Variants in GRID1 observed in about 807,000 individuals in gnomAD.
The protein encoded by GRID1 is glutamate receptor ionotropic, delta-1.
Under a neutral mutation model 98.0 loss-of-function variants are expected in GRID1, and 28 were observed. The ratio of observed to expected loss-of-function variants is 0.29; its 90% CI spans 0.21 to 0.39. The LOEUF (loss-of-function observed/expected upper bound fraction) is 0.39. Ranked by LOEUF, GRID1 falls within the 10% of genes least tolerant of loss-of-function variation. The probability of loss-of-function intolerance (pLI) is 1.00; values close to 1 mark genes in which losing one functional copy is unlikely to be tolerated. For missense variants in GRID1, 1,111 were observed against 1,340.5 expected (o/e 0.83, Z 2.67); for synonymous variants, 553 against 538.5 (o/e 1.03, Z -0.37).
intron 8 of GRID1, among the ~76,000 whole-genome samples, chr10:85,739,750 G>T (rs1841922012): frequency 6.6e-6 from 1 of 152,178 alleles, no homozygotes; most frequent in Non-Finnish European, 1.5e-5. Flanking sequence ...AAGAATATAA[G>T]TACAGTTTTA....
At chr10:85,908,933 TA>T (rs1368178137) in intron 5 of GRID1, among the ~76,000 whole-genome samples, 2 of 152,178 alleles carry the variant, frequency 1.3e-5, no homozygotes, top group East Asian at 3.8e-4. Context: ...ATTGATAAGT[TA>T]AACTTCATAA....
intron 4 of GRID1, among the ~76,000 whole-genome samples, chr10:85,987,737 T>G (rs1842630351): frequency 6.6e-6 from 1 of 151,698 alleles, no homozygotes; most frequent in Non-Finnish European, 1.5e-5. Flanking sequence ...CAGTGCCCTT[T>G]TCCCACATTC....
At chr10:85,888,636 T>C (rs1277436536) in intron 5 of GRID1, among the ~76,000 whole-genome samples, 3 of 152,240 alleles carry the variant, frequency 2.0e-5, no homozygotes, top group Admixed American at 6.5e-5. Context: ...TGGTTATTTA[T>C]AGGTGATGGA....
intron 13 of GRID1, among the ~76,000 whole-genome samples, chr10:85,631,090 C>T (rs910767581): frequency 2.0e-5 from 3 of 152,200 alleles, no homozygotes; most frequent in Admixed American, 1.3e-4. Flanking sequence ...CCCTTACCAT[C>T]AATTCTGTTC....
chr10:85,878,511 A>T, intron 5 of GRID1, among the ~76,000 whole-genome samples: 1 of 152,164 alleles, frequency 6.6e-6, no homozygotes, highest in Non-Finnish European at 1.5e-5. Context: ...TTTCATATCC[A>T]GCCAAACTAA....
At chr10:86,003,997 G>A (rs1228850175) in intron 4 of GRID1, among the ~76,000 whole-genome samples, 1 of 152,230 alleles carries the variant, frequency 6.6e-6, no homozygotes, top group East Asian at 1.9e-4. Context: ...ATGTCTTGCA[G>A]CAGAGCAACA....
intron 8 of GRID1, among the ~76,000 whole-genome samples, chr10:85,762,577 T>C (rs79680727): frequency 8.0e-4 from 122 of 152,322 alleles, no homozygotes; most frequent in African/African-American, 2.9e-3. Context: ...CTCAATCAGC[T>C]TTCTCCTTTC....
At position 85,865,975 on chromosome 10, in the gene GRID1, A is replaced by ATG. The variant is rs1564613358; in HGVS notation, c.951+3034_951+3035insCA. Among the ~76,000 whole-genome samples, 38 of 127,282 alleles carry ATG rather than the reference A, an allele frequency of 3.0e-4. 2 individuals carry two copies. Among genetic ancestry groups the ATG allele is most frequent in the African/African-American group, 1.0e-3 (37 of 35,986 alleles). 83.5% of individuals were successfully genotyped at this position (127,282 alleles called of 152,430 possible). ...TATATGGAGAGAGAGAGAGAGAGAG[A>ATG]GAGAGAGAGAGAGAGAGAGAGAGGC... is the stretch of plus-strand genomic sequence containing the variant. On this transcript the variant is annotated intron_variant, in intron 6 of 15. Transcript: ENST00000327946.
intron 2 of GRID1, among the ~76,000 whole-genome samples, chr10:86,258,942 G>A (rs147638979): frequency 2.6e-5 from 4 of 152,360 alleles, no homozygotes; most frequent in East Asian, 1.9e-4. Context: ...GGAACTGAAC[G>A]AAGAACTGAG....
At chr10:85,998,749 C>T (rs1023329927) in intron 4 of GRID1, among the ~76,000 whole-genome samples, 1 of 152,030 alleles carries the variant, frequency 6.6e-6, no homozygotes, top group Admixed American at 6.6e-5. Flanking sequence ...CTCTAGCAAA[C>T]CTAACAAAGA....
At chr10:86,002,480 T>C (rs1842813094) in intron 4 of GRID1, among the ~76,000 whole-genome samples, 1 of 151,484 alleles carries the variant, frequency 6.6e-6, no homozygotes, top group Admixed American at 6.6e-5. Context: ...AAACTTAATG[T>C]CTTTTTGCAC....
chr10:85,985,613 T>C (rs1842600005), intron 4 of GRID1, among the ~76,000 whole-genome samples: 1 of 152,202 alleles, frequency 6.6e-6, no homozygotes, highest in Admixed American at 6.5e-5. Flanking sequence ...GGATGGCCTC[T>C]CAGTGCCTAA....
chr10:85,701,194 A>C (rs1841446929), intron 12 of GRID1, among the ~76,000 whole-genome samples: 1 of 152,160 alleles, frequency 6.6e-6, no homozygotes, highest in Non-Finnish European at 1.5e-5. Context: ...CTCACTTTGA[A>C]AATGCATCAT....
chr10:86,366,328 G>T lies in GRID1; in HGVS notation c.65C>A (p.Ser22Tyr), dbSNP rs772022944. 1 of 1,509,618 alleles carries T rather than the reference G, an allele frequency of 6.6e-7. No homozygotes were observed. 93.5% of individuals were successfully genotyped at this position (1,509,618 alleles called of 1,614,324 possible). Residue 22 changes from serine to tyrosine, a missense_variant, in exon 1 of 16, where the codon TCC becomes TAC. Physicochemically the swap from Ser to Tyr is moderately radical, Grantham distance 144. This residue lies in a region of GRID1 where 346 missense variants were observed against 452.3 expected (regional missense o/e 0.76). Coordinates refer to ENST00000327946, the MANE Select transcript of GRID1 (RefSeq NM_017551.3). This position sits in a 1 kb window ranked among gnomAD's most constrained non-coding sequence, Gnocchi z 4.1. ...ICQCVSVRAD[S>Y]IIHIGAIFEE... ...GCCGCGCTTACCGATGTGGATGATG[G>T]AGTCGGCCCGCACCGACACGCACTG...
At chr10:86,167,729 T>C (rs1208053458) in intron 3 of GRID1, among the ~76,000 whole-genome samples, 1 of 152,236 alleles carries the variant, frequency 6.6e-6, no homozygotes, top group Non-Finnish European at 1.5e-5. Flanking sequence ...CCTCAGCATG[T>C]TCTAGAGACT....
rs1037874581 is a variant in GRID1, at chr10:86,322,707, G to A, written c.235+41234C>T. ...ATTACAGGTGTGAGCCACCTTGCCC[G>A]GCCTTGAATTATTTTTTTTTAAATA... is the stretch of plus-strand genomic sequence containing the variant. On this transcript the variant is annotated intron_variant, in intron 2 of 15. Transcript: ENST00000327946. Among the ~76,000 whole-genome samples the A allele has an allele frequency of 6.0e-5, 9 of 150,804 alleles. No homozygotes were observed. The East Asian group carries it at 7.8e-4, about 13-fold the overall frequency.
chr10:85,706,809 A>C (rs1388545183), intron 12 of GRID1, among the ~76,000 whole-genome samples: 1 of 152,222 alleles, frequency 6.6e-6, no homozygotes, highest in Non-Finnish European at 1.5e-5. Flanking sequence ...ATAATGCCAC[A>C]TATCTACAAC....
At chr10:85,936,943 T>C (rs932866460) in intron 4 of GRID1, among the ~76,000 whole-genome samples, 2 of 152,216 alleles carry the variant, frequency 1.3e-5, no homozygotes, top group Admixed American at 6.5e-5. Context: ...ATAATGCTTT[T>C]GTTTCCTAGA....
intron 4 of GRID1, among the ~76,000 whole-genome samples, chr10:85,936,198 T>C (rs1457545168): frequency 6.6e-6 from 1 of 152,196 alleles, no homozygotes; most frequent in African/African-American, 2.4e-5. Flanking sequence ...AAAAATTAGA[T>C]GGAAGTTAGC....
Sources: gnomAD v4.1 joint callset for allele counts (sites outside exome capture counted in the v4.1 genomes callset) on GRCh38, gnomAD v4.1.1 for gene constraint, gnomAD v4.1.1 regional missense constraint, Gnocchi (gnomAD v3.1) non-coding constraint, MANE v1.5 for transcripts, NCBI Gene and HGNC (gene_info 2026-07-23, HGNC 2026-07-21) for gene names.